Variants in GPC5 observed in about 807,000 individuals in gnomAD.
GPC5 encodes glypican-5.
A neutral mutation model predicts 53.9 loss-of-function variants in GPC5; 47 were observed. That is an observed-to-expected ratio of 0.87 (90% CI 0.69 to 1.11). GPC5 has a LOEUF of 1.11. GPC5 is among the 50% of genes most tolerant of loss of function. The pLI is 0.00. For synonymous variants in GPC5, 286 were observed against 263.3 expected (o/e 1.09, Z -0.84); for missense variants, 748 against 713.1 (o/e 1.05, Z -0.56).
intron 1 of GPC5, among the ~76,000 whole-genome samples, chr13:91,420,641 C>T (rs1015037234): frequency 6.6e-6 from 1 of 152,300 alleles, no homozygotes; most frequent in Admixed American, 6.5e-5. Context: ...TCTGTGTCCC[C>T]ACCCAAATCT....
intron 2 of GPC5, among the ~76,000 whole-genome samples, chr13:91,682,657 G>A (rs1463163432): frequency 6.6e-6 from 1 of 152,190 alleles, no homozygotes; most frequent in Non-Finnish European, 1.5e-5. Flanking sequence ...TGAGCACCCA[G>A]GAAAGGCAGG....
chr13:92,348,415 G>T (rs758945184), intron 7 of GPC5, among the ~76,000 whole-genome samples: 2 of 151,998 alleles, frequency 1.3e-5, no homozygotes, highest in Non-Finnish European at 2.9e-5. Context: ...CAACATTGGA[G>T]CACCTAAAAA....
intron 7 of GPC5, among the ~76,000 whole-genome samples, chr13:92,760,554 C>G (rs762022688): frequency 3.0e-4 from 45 of 151,458 alleles, no homozygotes; most frequent in Non-Finnish European, 5.3e-4. Context: ...ATATTTAAGA[C>G]TTGTTTTTTT....
intron 6 of GPC5, among the ~76,000 whole-genome samples, chr13:92,113,826 CA>C (rs199588365): frequency 4.2e-5 from 6 of 143,432 alleles, no homozygotes; most frequent in Non-Finnish European, 7.6e-5. Context: ...GAAGAATTAA[CA>C]AAAAAAACAA....
In GPC5 at chr13:91,433,669, A is replaced by G. The variant is rs113060864; in HGVS notation, c.164-15092A>G. ...AGTGCCACAATAAACATACGTGTGC[A>G]TGTGTCTTTATAGCAGCATGATTTA... is the stretch of plus-strand genomic sequence containing the variant. On this transcript the variant is annotated intron_variant, in intron 1 of 7. Transcript: ENST00000377067. Among the ~76,000 whole-genome samples the G allele has an allele frequency of 7.3e-3, 1,112 of 151,836 alleles. 10 individuals are homozygous for G. The highest frequency in any genetic ancestry group is 0.01 in the Non-Finnish European group (700 of 67,954).
At chr13:92,408,614 T>TTATA (rs759751587) in intron 7 of GPC5, among the ~76,000 whole-genome samples, 5 of 134,914 alleles carry the variant, frequency 3.7e-5, no homozygotes, top group African/African-American at 1.4e-4. Flanking sequence ...GCGATCTACC[T>TTATA]TATATATATA....
At chr13:92,699,266 T>C (rs553413224) in intron 7 of GPC5, among the ~76,000 whole-genome samples, 27 of 152,302 alleles carry the variant, frequency 1.8e-4, no homozygotes, top group South Asian at 1.0e-3. Flanking sequence ...GTTGGATTGG[T>C]GTTGATATCC....
At chr13:91,875,674 A>G (rs2039194488) in intron 5 of GPC5, among the ~76,000 whole-genome samples, 3 of 152,056 alleles carry the variant, frequency 2.0e-5, no homozygotes, top group African/African-American at 7.2e-5. Flanking sequence ...CTCTTCTTGA[A>G]TCATATTATT....
intron 5 of GPC5, among the ~76,000 whole-genome samples, chr13:91,764,641 C>A (rs187814044): frequency 6.0e-4 from 91 of 152,258 alleles, no homozygotes; most frequent in Admixed American, 4.4e-3. Flanking sequence ...CTTCGTTTTT[C>A]CCCTCGTCCA....
intron 6 of GPC5, among the ~76,000 whole-genome samples, chr13:91,982,543 T>A (rs1312056674): frequency 6.6e-6 from 1 of 151,294 alleles, no homozygotes; most frequent in Non-Finnish European, 1.5e-5. Flanking sequence ...CACAGTTAGC[T>A]GAAGAGCATT....
chr13:92,740,644 C>T (rs529351382), intron 7 of GPC5, among the ~76,000 whole-genome samples: 4 of 152,060 alleles, frequency 2.6e-5, no homozygotes, highest in African/African-American at 9.6e-5. Flanking sequence ...ACCAGGAAGA[C>T]TTCTTCATGG....
At position 92,094,002 on chromosome 13, in the gene GPC5, A is replaced by G. The variant is rs369424157; in HGVS notation, c.1402-50828A>G. Among the ~76,000 whole-genome samples, 459 of 152,324 alleles carry G rather than the reference A, an allele frequency of 3.0e-3. 4 individuals are homozygous for G. The highest frequency in any genetic ancestry group is 0.01 in the African/African-American group (427 of 41,574). On this transcript the variant is annotated intron_variant, in intron 6 of 7. Coordinates refer to ENST00000377067, the MANE Select transcript of GPC5 (RefSeq NM_004466.6). ...GATTGTGTCAAATTGGTTGAATGAC[A>G]TGTCATTGAAATTAACCTTTACCTC...
At chr13:91,830,859 ATTATATATAATATATATCCTAT>A (rs2038646402) in intron 5 of GPC5, among the ~76,000 whole-genome samples, 1 of 126,428 alleles carries the variant, frequency 7.9e-6, no homozygotes, top group African/African-American at 3.0e-5. Context: ...TATATATCCT[ATTATATATAATATATATCCTAT>A]TATATATAAT....
intron 6 of GPC5, among the ~76,000 whole-genome samples, chr13:92,067,805 G>A (rs1433862647): frequency 1.3e-5 from 2 of 151,834 alleles, no homozygotes; most frequent in African/African-American, 4.8e-5. Flanking sequence ...ACCCTCACTT[G>A]TGAACATATA....
chr13:91,722,954 A>G (rs1298614983), intron 3 of GPC5, among the ~76,000 whole-genome samples: 1 of 152,140 alleles, frequency 6.6e-6, no homozygotes, highest in Non-Finnish European at 1.5e-5. Flanking sequence ...TGCTTTATGG[A>G]GTCTTAATAA....
At chr13:92,290,170 T>C (rs2042983655) in intron 7 of GPC5, among the ~76,000 whole-genome samples, 1 of 152,192 alleles carries the variant, frequency 6.6e-6, no homozygotes, top group Non-Finnish European at 1.5e-5. Flanking sequence ...TTTATATATG[T>C]GGGACTTTCA....
intron 7 of GPC5, among the ~76,000 whole-genome samples, chr13:92,315,791 T>C (rs954401066): frequency 1.3e-5 from 2 of 152,190 alleles, no homozygotes; most frequent in African/African-American, 4.8e-5. Context: ...AGTGTTTTAT[T>C]TTTTGCTGTA....
intron 5 of GPC5, among the ~76,000 whole-genome samples, chr13:91,892,554 C>A (rs950850491): frequency 6.6e-6 from 1 of 151,576 alleles, no homozygotes; most frequent in Non-Finnish European, 1.5e-5. Flanking sequence ...TTTAGTAACA[C>A]TAATTTTTAG....
chr13:91,851,841 T>C, intron 5 of GPC5, among the ~76,000 whole-genome samples: 1 of 141,716 alleles, frequency 7.1e-6, no homozygotes, highest in Non-Finnish European at 1.5e-5. Flanking sequence ...CATCCTTTTT[T>C]ATGTCTGCAT....
Sources: gnomAD v4.1 joint callset for allele counts (sites outside exome capture counted in the v4.1 genomes callset) on GRCh38, gnomAD v4.1.1 for gene constraint, MANE v1.5 for transcripts, NCBI Gene and HGNC (gene_info 2026-07-23, HGNC 2026-07-21) for gene names.